SIMC1: variants seen among roughly 807,000 people sequenced by gnomAD.
The protein encoded by SIMC1 is SUMO-interacting motif-containing protein 1.
Under a neutral mutation model 82.3 loss-of-function variants are expected in SIMC1, and 55 were observed. The ratio of observed to expected loss-of-function variants is 0.67; its 90% confidence interval spans 0.54 to 0.84. The LOEUF is 0.84. Among genes scored for constraint, SIMC1 ranks in the 40% least tolerant of loss-of-function variants. The pLI is 0.00. For synonymous variants in SIMC1, 353 were observed against 426.3 expected (o/e 0.83, Z 2.12); for missense variants, 915 against 1,107.2 (o/e 0.83, Z 2.46).
chr5:176,272,347 C>T (rs1173196626), intron 1 of SIMC1, among the ~76,000 whole-genome samples: 4 of 149,632 alleles, frequency 2.7e-5, no homozygotes, highest in Non-Finnish European at 5.9e-5. Flanking sequence ...CACTTCTATT[C>T]AGAATTATAC....
chr5:176,325,391 A>C (rs950670572), intron 7 of SIMC1, among the ~76,000 whole-genome samples: 3 of 151,046 alleles, frequency 2.0e-5, no homozygotes, highest in South Asian at 2.1e-4. Flanking sequence ...ATCTCAAAAA[A>C]AATAAAAATA....
intron 9 of SIMC1, 33 bp downstream of exon 9, chr5:176,337,179 G>T: frequency 1.3e-6 from 2 of 1,565,514 alleles, no homozygotes; most frequent in Non-Finnish European, 1.8e-6. Flanking sequence ...TGGAGTAGTG[G>T]AAGGTCTCAA....
chr5:176,290,677 A>G lies in SIMC1; in HGVS notation c.1153A>G (p.Met385Val), dbSNP rs140217536. ...QNDVQNRDMP[M>V]DISALSSPSC... ...TGATGTACAGAACCGTGACATGCCTATGGATATCTCAGCTCTGTCCTCTCC... is the reference window on the plus strand; with the variant it reads ...TGATGTACAGAACCGTGACATGCCTGTGGATATCTCAGCTCTGTCCTCTCC... The change falls in exon 2 of 10, where the codon ATG (methionine) becomes GTG (valine). Residue 385 changes from methionine to valine, a missense_variant. By Grantham distance (21) the Met-to-Val change is conservative. Coordinates refer to ENST00000429602, the MANE Select transcript of SIMC1 (RefSeq NM_001308195.2). 1.3e-4 allele frequency: 208 copies of G among 1,613,968 alleles called. No homozygotes were observed. In the East Asian group the frequency reaches 3.3e-3, roughly 25 times the overall value.
intron 7 of SIMC1, among the ~76,000 whole-genome samples, chr5:176,332,792 C>T (rs1765723036): frequency 6.6e-6 from 1 of 151,902 alleles, no homozygotes; most frequent in Non-Finnish European, 1.5e-5. Flanking sequence ...TTTCCAATTT[C>T]CCCCAATGGT....
At chr5:176,322,485 A>C in intron 6 of SIMC1, 60 bp downstream of exon 6, 1 of 1,515,684 alleles carries the variant, frequency 6.6e-7, no homozygotes, top group Non-Finnish European at 8.9e-7. Context: ...TAGAGAGAAC[A>C]ACACCAATCC....
chr5:176,274,245 C>T (rs1762579986), intron 1 of SIMC1, among the ~76,000 whole-genome samples: 1 of 135,338 alleles, frequency 7.4e-6, no homozygotes, highest in African/African-American at 2.7e-5. Flanking sequence ...TTGCATTTCT[C>T]TGATGGCCAG....
intron 4 of SIMC1, among the ~76,000 whole-genome samples, chr5:176,299,668 C>T (rs1763958684): frequency 6.6e-6 from 1 of 151,964 alleles, no homozygotes; most frequent in Non-Finnish European, 1.5e-5. Flanking sequence ...AAGAAATAGA[C>T]AACACAATAA....
chr5:176,304,741 G>A (rs1764211607), intron 4 of SIMC1, among the ~76,000 whole-genome samples: 1 of 151,184 alleles, frequency 6.6e-6, no homozygotes, highest in African/African-American at 2.4e-5. Flanking sequence ...TAGGAAGTGA[G>A]GAGCGCCTCT....
Position 176,332,077 on chromosome 5 carries a change from A to G in SIMC1, c.2172-4643A>G, listed in dbSNP as rs557372335. Among the ~76,000 whole-genome samples, 12 of 152,314 alleles carry G rather than the reference A, an allele frequency of 7.9e-5. No homozygotes were observed. In the East Asian group the frequency reaches 2.1e-3, roughly 27 times the overall value. On this transcript the variant is annotated intron_variant, in intron 7 of 9. Transcript: ENST00000429602. ...AGGTTATGTTTATTGTAAACAGTAT[A>G]TAGTTGGCATTTGTTGTTTTAGCCA...
At chr5:176,308,335 A>C (rs1357923968) in intron 4 of SIMC1, 5 of 1,510,536 alleles carry the variant, frequency 3.3e-6, no homozygotes, top group Non-Finnish European at 4.6e-6. Context: ...GACCAAGTAG[A>C]AATTTCACCA....
intron 4 of SIMC1, among the ~76,000 whole-genome samples, chr5:176,303,563 G>A (rs905853242): frequency 1.8e-4 from 28 of 151,946 alleles, no homozygotes; most frequent in African/African-American, 4.6e-4. Context: ...CAGATGATCC[G>A]CCCGCCTCGG....
chr5:176,344,609 A>G (rs1259295576), intron 9 of SIMC1, among the ~76,000 whole-genome samples: 2 of 152,214 alleles, frequency 1.3e-5, no homozygotes, highest in Non-Finnish European at 2.9e-5. Flanking sequence ...CTCAGGAAAC[A>G]CAATCGTGGC....
At chr5:176,259,719 G>GC (rs1271180946) in intron 1 of SIMC1, among the ~76,000 whole-genome samples, 2 of 151,564 alleles carry the variant, frequency 1.3e-5, no homozygotes, top group South Asian at 4.2e-4. Flanking sequence ...GTTGCAGTGA[G>GC]CCGAAATCGT....
At position 176,299,682 on chromosome 5, in the gene SIMC1, T is replaced by C. The variant is rs1330136720; in HGVS notation, c.1734+3362T>C. ...GAAGAAATAGACAACACAATAATAG[T>C]AGGAGATTCAGTACCCCACTTTCAA... On this transcript the variant is annotated intron_variant, in intron 4 of 9. Coordinates refer to ENST00000429602, the MANE Select transcript of SIMC1 (RefSeq NM_001308195.2). 5.3e-5 allele frequency among the ~76,000 whole-genome samples: 8 copies of C among 152,196 alleles called. No individual in the cohort carries two copies. In the East Asian group the frequency reaches 7.7e-4, roughly 15 times the overall value.
At chr5:176,322,679 A>C in intron 6 of SIMC1, 10 of 399,224 alleles carry the variant, frequency 2.5e-5, no homozygotes, top group Admixed American at 3.8e-5. Context: ...TGCAAAACAA[A>C]TGCTAGAGGA....
intron 1 of SIMC1, among the ~76,000 whole-genome samples, chr5:176,264,470 C>T (rs146505077): frequency 0.19 from 29,226 of 152,128 alleles, 3,379 homozygotes; most frequent in East Asian, 0.29. Flanking sequence ...ATGGAAGCTG[C>T]CAGGGCCTCT....
At chr5:176,300,792 A>C (rs1764009008) in intron 4 of SIMC1, among the ~76,000 whole-genome samples, 3 of 152,204 alleles carry the variant, frequency 2.0e-5, no homozygotes, top group Non-Finnish European at 2.9e-5. Flanking sequence ...CACAGAAATA[A>C]AAAGGATTAT....
rs184977876 is a variant in SIMC1 at position 176,260,541 on chromosome 5, A to G, written c.129+21904A>G. Among the ~76,000 whole-genome samples the G allele has an allele frequency of 1.2e-4, 18 of 152,268 alleles. No individual in the cohort carries two copies. In the East Asian group the frequency reaches 3.1e-3, roughly 26 times the overall value. On this transcript the variant is annotated intron_variant, in intron 1 of 9. Transcript: ENST00000429602. Reference sequence around the variant, plus strand: ...ATTTTAATTTTTTTGATGTTAGACTATGATATGATGAATCCTCTTGCATGG... The same window carrying G: ...ATTTTAATTTTTTTGATGTTAGACTGTGATATGATGAATCCTCTTGCATGG...
In SIMC1 at chr5:176,345,917, A is replaced by C. The variant is rs1368442661; in HGVS notation, c.*472A>C. The C allele has an allele frequency of 1.3e-5, 2 of 152,248 alleles. No individual in the cohort carries two copies. The highest frequency in any genetic ancestry group is 1.9e-4 in the East Asian group (1 of 5,200). 9.4% of individuals were successfully genotyped at this position (152,248 alleles called of 1,614,324 possible). ...TGACTGTAATGAATAGGGGGTAGAA[A>C]CAAAAGGATCAAGTGTGTTATAAAA... On this transcript the variant is annotated 3_prime_UTR_variant, in exon 10 of 10. Transcript: ENST00000429602.
Sources: gnomAD v4.1 joint callset for allele counts (sites outside exome capture counted in the v4.1 genomes callset) on GRCh38, gnomAD v4.1.1 for gene constraint, MANE v1.5 for transcripts, NCBI Gene and HGNC (gene_info 2026-07-23, HGNC 2026-07-21) for gene names.